Variants in TMEM117 observed in about 807,000 individuals in gnomAD.
TMEM117 encodes transmembrane protein 117.
Under a neutral mutation model 52.4 loss-of-function variants are expected in TMEM117, and 27 were observed. The ratio of observed to expected loss-of-function variants is 0.51; its 90% CI spans 0.38 to 0.71. TMEM117 has a LOEUF of 0.71. Ranked by LOEUF, TMEM117 falls within the 30% of genes least tolerant of loss-of-function variation. The pLI, the probability that TMEM117 is intolerant of heterozygous loss-of-function variation, is 0.00. For missense variants in TMEM117, 556 were observed against 630.5 expected (o/e 0.88, Z 1.26); for synonymous variants, 215 against 206.3 (o/e 1.04, Z -0.36).
chr12:44,382,703 C>T (rs970307419), intron 7 of TMEM117, among the ~76,000 whole-genome samples: 2 of 152,190 alleles, frequency 1.3e-5, no homozygotes, highest in South Asian at 4.1e-4. Context: ...TAGTCTCCCA[C>T]TTAGGAAGTA....
intron 6 of TMEM117, among the ~76,000 whole-genome samples, chr12:44,335,218 A>G (rs148799953): frequency 6.6e-6 from 1 of 152,156 alleles, no homozygotes; most frequent in Non-Finnish European, 1.5e-5. Context: ...AGCACTTGAA[A>G]ATTCAGAGGA....
chr12:44,180,569 GTTCAAT>G (rs1949181714), intron 4 of TMEM117, among the ~76,000 whole-genome samples: 1 of 134,100 alleles, frequency 7.5e-6, no homozygotes, highest in Non-Finnish European at 1.5e-5. Context: ...TGATCTCATT[GTTCAAT>G]TCCCACCTAT....
intron 3 of TMEM117, among the ~76,000 whole-genome samples, chr12:44,120,663 A>G (rs899848752): frequency 6.6e-6 from 1 of 152,122 alleles, no homozygotes; most frequent in Admixed American, 6.6e-5. Context: ...TGGTGATTTG[A>G]CTTTTTCTGT....
chr12:43,836,527 A>G (rs1308863503), intron 1 of TMEM117, among the ~76,000 whole-genome samples: 2 of 152,106 alleles, frequency 1.3e-5, no homozygotes, highest in Non-Finnish European at 2.9e-5. Context: ...GTGCAGAGAT[A>G]CGGCGGGAGA....
chr12:44,271,973 A>G (rs1056948945), intron 5 of TMEM117, among the ~76,000 whole-genome samples: 2 of 152,132 alleles, frequency 1.3e-5, no homozygotes, highest in Admixed American at 1.3e-4. Context: ...AATCCAACAC[A>G]TATGTGAAAA....
chr12:44,017,233 CTG>C (rs143648069), intron 3 of TMEM117, among the ~76,000 whole-genome samples: 5 of 147,154 alleles, frequency 3.4e-5, no homozygotes, highest in Non-Finnish European at 3.0e-5. Flanking sequence ...ATGAAGCCTT[CTG>C]TGTGTGTGTG....
In TMEM117 at chr12:44,367,527, T is replaced by C. The variant is rs1951805083; in HGVS notation, c.769-9068T>C. Among the ~76,000 whole-genome samples the C allele has an allele frequency of 2.0e-5, 3 of 152,070 alleles. No individual in the cohort carries two copies. In the South Asian group the frequency reaches 6.2e-4, roughly 32 times the overall value. On this transcript the variant is annotated intron_variant, in intron 6 of 7. Transcript: ENST00000266534. Reference sequence around the variant, plus strand: ...ATGGGATTCTCTTCCAGCTTATAAATGAGGGAGTGCCTCAGTCAGTCCCTG... The same window carrying C: ...ATGGGATTCTCTTCCAGCTTATAAACGAGGGAGTGCCTCAGTCAGTCCCTG...
At chr12:44,128,703 G>C (rs1411056734) in intron 3 of TMEM117, among the ~76,000 whole-genome samples, 1 of 152,102 alleles carries the variant, frequency 6.6e-6, no homozygotes, top group Non-Finnish European at 1.5e-5. Flanking sequence ...TACCACCAAA[G>C]GCCTATGCTT....
the TMEM117 span, among the ~76,000 whole-genome samples, chr12:43,819,035 T>A: frequency 3.9e-3 from 587 of 152,268 alleles, 6 homozygotes; most frequent in African/African-American, 0.013. Context: ...ACAGGGTTAA[T>A]AAGAAACTAA....
At chr12:44,171,176 C>T (rs550384888) in intron 4 of TMEM117, among the ~76,000 whole-genome samples, 27 of 152,048 alleles carry the variant, frequency 1.8e-4, no homozygotes, top group Non-Finnish European at 2.4e-4. Flanking sequence ...CCACTACGCC[C>T]GGCTAATTTT....
intron 4 of TMEM117, among the ~76,000 whole-genome samples, chr12:44,162,773 T>C (rs1287038773): frequency 6.6e-6 from 1 of 152,198 alleles, no homozygotes; most frequent in Non-Finnish European, 1.5e-5. Context: ...TTCATAAAAG[T>C]AGACTAATAA....
At chr12:44,194,375 T>G (rs942163467) in intron 4 of TMEM117, among the ~76,000 whole-genome samples, 4 of 152,194 alleles carry the variant, frequency 2.6e-5, no homozygotes, top group Admixed American at 1.3e-4. Flanking sequence ...TTTTTCAAAT[T>G]GGTGGCAGTA....
rs190388075 is a variant in TMEM117 at position 44,052,346 on chromosome 12, A to C, written c.411-91179A>C. Among the ~76,000 whole-genome samples, 283 of 152,222 alleles carry C rather than the reference A, an allele frequency of 1.9e-3. 1 individual carries two copies. The highest frequency in any genetic ancestry group is 6.5e-3 in the African/African-American group (270 of 41,550). ...TTTTAGTGCCCCCAGAGCAGTCTCAATCCAGTCCAGGGCAATAATCCAGCC... is the reference window on the plus strand; with the variant it reads ...TTTTAGTGCCCCCAGAGCAGTCTCACTCCAGTCCAGGGCAATAATCCAGCC... On this transcript the variant is annotated intron_variant, in intron 3 of 7. Transcript: ENST00000266534.
chr12:43,856,622 CT>C (rs768831483), intron 2 of TMEM117, among the ~76,000 whole-genome samples: 1 of 152,160 alleles, frequency 6.6e-6, no homozygotes, highest in African/African-American at 2.4e-5. Context: ...AGTATATACT[CT>C]TTTTTGTCAG....
Position 44,075,191 on chromosome 12 carries a change from C to T in TMEM117, c.411-68334C>T, listed in dbSNP as rs546681738. Reference sequence around the variant, plus strand: ...GCTATGCTCTCCTCTTAGGTTTTGGCCAAGACTGGGTACATCTGAAGGATG... The same window carrying T: ...GCTATGCTCTCCTCTTAGGTTTTGGTCAAGACTGGGTACATCTGAAGGATG... On this transcript the variant is annotated intron_variant, in intron 3 of 7. Coordinates refer to ENST00000266534, the MANE Select transcript of TMEM117 (RefSeq NM_032256.3). 4.6e-5 allele frequency among the ~76,000 whole-genome samples: 7 copies of T among 152,258 alleles called. No homozygotes were observed. In the East Asian group the frequency reaches 1.3e-3, roughly 29 times the overall value.
At chr12:44,067,236 A>T (rs566624909) in intron 3 of TMEM117, among the ~76,000 whole-genome samples, 1 of 152,222 alleles carries the variant, frequency 6.6e-6, no homozygotes, top group African/African-American at 2.4e-5. Flanking sequence ...GCCATCCACA[A>T]GGGTTGGAGT....
At position 43,854,706 on chromosome 12, in the gene TMEM117, G is replaced by T. The variant is rs572279837; in HGVS notation, c.277+9778G>T. Among the ~76,000 whole-genome samples the T allele has an allele frequency of 5.3e-5, 8 of 151,718 alleles. No homozygotes were observed. The East Asian group carries it at 7.7e-4, about 15-fold the overall frequency. On this transcript the variant is annotated intron_variant, in intron 2 of 7. Transcript: ENST00000266534. ...GGCTGGAGTGTGGTGGCGTGATCTCGGCTCACTGCAACCTCTGCCTCTCAG... is the reference window on the plus strand; with the variant it reads ...GGCTGGAGTGTGGTGGCGTGATCTCTGCTCACTGCAACCTCTGCCTCTCAG...
intron 5 of TMEM117, among the ~76,000 whole-genome samples, chr12:44,251,774 A>C (rs1424342066): frequency 1.3e-5 from 2 of 152,212 alleles, no homozygotes; most frequent in African/African-American, 4.8e-5. Flanking sequence ...TTACCTCTAC[A>C]TATGTCAAAC....
chr12:44,207,615 A>C (rs1347977457), intron 4 of TMEM117, among the ~76,000 whole-genome samples: 2 of 152,128 alleles, frequency 1.3e-5, no homozygotes, highest in Admixed American at 1.3e-4. Flanking sequence ...TTGATTGTCA[A>C]ATCCTTTGAC....
Sources: gnomAD v4.1 joint callset for allele counts (sites outside exome capture counted in the v4.1 genomes callset) on GRCh38, gnomAD v4.1.1 for gene constraint, MANE v1.5 for transcripts, NCBI Gene and HGNC (gene_info 2026-07-23, HGNC 2026-07-21) for gene names.